The following PDPN variants were observed in gnomAD, a reference collection of about 807,000 sequenced individuals.
PDPN encodes podoplanin, also known as PA2.26 antigen.
A neutral mutation model predicts 23.2 loss-of-function variants in PDPN; 12 were observed. The ratio of observed to expected loss-of-function variants is 0.52; its 90% CI spans 0.33 to 0.84. The LOEUF (loss-of-function observed/expected upper bound fraction) is 0.84. Among genes scored for constraint, PDPN ranks in the 40% least tolerant of loss-of-function variants. The probability of loss-of-function intolerance (pLI) is 0.02; values close to 1 mark genes in which losing one functional copy is unlikely to be tolerated. For missense variants in PDPN, 199 were observed against 212.2 expected, an observed-to-expected ratio of 0.94 and a Z score of 0.39; for synonymous variants, 77 against 76.7, an observed-to-expected ratio of 1.00 and a Z score of -0.02.
chr1:13,615,469 G>A (rs1384654301), intron 5 of PDPN, among the ~76,000 whole-genome samples: 1 of 151,910 alleles, frequency 6.6e-6, no homozygotes, highest in Non-Finnish European at 1.5e-5. Context: ...GTATTTTTTA[G>A]TAGAGATAGG....
intron 1 of PDPN, chr1:13,595,880 TC>T (rs1456391902): frequency 7.8e-7 from 1 of 1,288,054 alleles, no homozygotes; most frequent in African/African-American, 1.5e-5. Flanking sequence ...GGCAGGGACA[TC>T]ATAAATACAG....
intron 2 of PDPN, among the ~76,000 whole-genome samples, chr1:13,607,668 T>G (rs2100268518): frequency 6.6e-6 from 1 of 152,246 alleles, no homozygotes; most frequent in Non-Finnish European, 1.5e-5. Flanking sequence ...TGATCACAGG[T>G]GGTTGGAGAG....
At chr1:13,608,071 C>T (rs914585771) in intron 2 of PDPN, among the ~76,000 whole-genome samples, 10 of 152,156 alleles carry the variant, frequency 6.6e-5, no homozygotes, top group African/African-American at 1.7e-4. Flanking sequence ...CACCACTGCA[C>T]TCCAGCCTGG....
intron 1 of PDPN, among the ~76,000 whole-genome samples, chr1:13,591,520 C>T (rs1030059287): frequency 3.9e-5 from 6 of 152,162 alleles, no homozygotes; most frequent in Non-Finnish European, 7.3e-5. Context: ...ATTTCCTCCT[C>T]CCCCTAGACC....
chr1:13,610,393 A>C lies in PDPN; in HGVS notation c.208A>C (p.Thr70Pro), dbSNP rs776892392. ...TCATTTACACCTACAATAGGTGGCA[A>C]CAAGTGTCAACAGTGTAACAGGCAT... ...YKSGLTTLVA[T>P]SVNSVTGIRI... Residue 70 changes from threonine to proline, a missense_variant, in exon 3 of 6, where the codon ACA becomes CCA. By Grantham distance (38) the Thr-to-Pro change is conservative (BLOSUM62 -1). Coordinates refer to ENST00000621990, the MANE Select transcript of PDPN (RefSeq NM_006474.5). The C allele has an allele frequency of 1.2e-6, 2 of 1,613,344 alleles. No individual in the cohort carries two copies. Among genetic ancestry groups the C allele is most frequent in the East Asian group, 4.5e-5 (2 of 44,870 alleles).
chr1:13,588,675 TATATA>T (rs1471401231), intron 1 of PDPN, among the ~76,000 whole-genome samples: 4 of 104,684 alleles, frequency 3.8e-5, no homozygotes, highest in Non-Finnish European at 4.0e-5. Context: ...ATAAAATATA[TATATA>T]ATATATGTAT....
chr1:13,594,553 G>GT (rs746642374), intron 1 of PDPN, among the ~76,000 whole-genome samples: 4 of 152,316 alleles, frequency 2.6e-5, no homozygotes, highest in Non-Finnish European at 5.9e-5. Flanking sequence ...GGGAGCATGG[G>GT]TTTGAGAGTC....
At chr1:13,600,516 C>T (rs1640616361) in intron 1 of PDPN, among the ~76,000 whole-genome samples, 1 of 152,160 alleles carries the variant, frequency 6.6e-6, no homozygotes, top group South Asian at 2.1e-4. Flanking sequence ...AGGCCTGCGC[C>T]ACCATGGCCA....
intron 1 of PDPN, among the ~76,000 whole-genome samples, chr1:13,589,846 G>A (rs975628492): frequency 6.6e-6 from 1 of 152,208 alleles, no homozygotes; most frequent in Non-Finnish European, 1.5e-5. Context: ...TTGATCGATT[G>A]AGATGGAGTC....
At chr1:13,585,253 G>A (rs1640144136) in intron 1 of PDPN, among the ~76,000 whole-genome samples, 1 of 152,116 alleles carries the variant, frequency 6.6e-6, no homozygotes, top group South Asian at 2.1e-4. Context: ...GGAGGGGTGC[G>A]CCTAACCTGG....
intron 1 of PDPN, among the ~76,000 whole-genome samples, chr1:13,597,706 G>A (rs1640532383): frequency 6.6e-6 from 1 of 152,182 alleles, no homozygotes; most frequent in Non-Finnish European, 1.5e-5. Flanking sequence ...AGCTGTAACA[G>A]GTGGTAAAAT....
At chr1:13,589,507 G>A (rs3845612) in intron 1 of PDPN, among the ~76,000 whole-genome samples, 15,299 of 152,186 alleles carry the variant, frequency 0.1, 813 homozygotes, top group Middle Eastern at 0.14. Flanking sequence ...TGCTTAGCGT[G>A]TGTGAACCCC....
At chr1:13,604,495 G>A (rs1640732530) in intron 1 of PDPN, among the ~76,000 whole-genome samples, 1 of 152,122 alleles carries the variant, frequency 6.6e-6, no homozygotes, top group South Asian at 2.1e-4. Flanking sequence ...TTAGTACTTG[G>A]CTCTGTGGGC....
chr1:13,591,693 C>A (rs1397206509), intron 1 of PDPN, among the ~76,000 whole-genome samples: 1 of 152,152 alleles, frequency 6.6e-6, no homozygotes, highest in Non-Finnish European at 1.5e-5. Flanking sequence ...GAATTTCGTT[C>A]TTTTAAAAAA....
chr1:13,587,863 CT>C (rs1640221739), intron 1 of PDPN, among the ~76,000 whole-genome samples: 1 of 152,196 alleles, frequency 6.6e-6, no homozygotes, highest in Admixed American at 6.5e-5. Flanking sequence ...ACCCCAGCCC[CT>C]GTCCACCGGC....
intron 1 of PDPN, among the ~76,000 whole-genome samples, chr1:13,592,126 TTTAAATCCTTTGCTCACTAAAGTTGAG>T (rs1442873836): frequency 6.6e-6 from 1 of 152,252 alleles, no homozygotes; most frequent in African/African-American, 2.4e-5. Flanking sequence ...GATATGTTTG[TTTAAATCCTTTGCTCACTAAAGTTGAG>T]TTAAATCCTT....
chr1:13,603,341 C>T (rs1030234577), intron 1 of PDPN, among the ~76,000 whole-genome samples: 16 of 152,204 alleles, frequency 1.1e-4, no homozygotes, highest in African/African-American at 3.9e-4. Flanking sequence ...CGAAATTGTA[C>T]CATTGCACTC....
At chr1:13,602,872 CTAAAGTATTTT>C (rs1640683130) in intron 1 of PDPN, among the ~76,000 whole-genome samples, 1 of 151,884 alleles carries the variant, frequency 6.6e-6, no homozygotes, top group Non-Finnish European at 1.5e-5. Context: ...CTGGCCAACT[CTAAAGTATTTT>C]TAAAGAAATG....
intron 3 of PDPN, among the ~76,000 whole-genome samples, chr1:13,612,745 A>G (rs778756572): frequency 1.3e-5 from 2 of 152,148 alleles, no homozygotes; most frequent in African/African-American, 4.8e-5. Flanking sequence ...ATGGTTTTCA[A>G]ACCCAACCAT....
Sources: allele counts gnomAD v4.1 joint callset (sites outside exome capture counted in the v4.1 genomes callset), GRCh38; gene constraint gnomAD v4.1.1; transcripts MANE v1.5; gene names NCBI Gene and HGNC (gene_info 2026-07-23, HGNC 2026-07-21).